The following SHROOM3 variants were observed in gnomAD, a reference collection of about 807,000 sequenced individuals.
The protein encoded by SHROOM3 is shroom family member 3, also known as protein Shroom3.
A neutral mutation model predicts 138.6 loss-of-function variants in SHROOM3; 47 were observed. That is an observed-to-expected ratio of 0.34 (90% CI 0.27 to 0.43). SHROOM3 has a LOEUF of 0.43. Among genes scored for constraint, SHROOM3 ranks in the 20% least tolerant of loss-of-function variants. The pLI is 1.00. For missense variants in SHROOM3, 2,491 were observed against 2,596.5 expected (o/e 0.96, Z 0.88); for synonymous variants, 1,062 against 1,063.3 (o/e 1.00, Z 0.02).
At chr4:76,760,113 C>CT (rs911292133) in intron 9 of SHROOM3, among the ~76,000 whole-genome samples, 6 of 152,100 alleles carry the variant, frequency 3.9e-5, no homozygotes, top group African/African-American at 1.4e-4. Flanking sequence ...AATCTAGAAA[C>CT]TTTTTTTAGG....
At chr4:76,477,945 C>T (rs28709037) in intron 1 of SHROOM3, among the ~76,000 whole-genome samples, 1,873 of 152,282 alleles carry the variant, frequency 0.012, 42 homozygotes, top group African/African-American at 0.043. Flanking sequence ...CATTCTGGCC[C>T]AGACATTATG....
intron 2 of SHROOM3, among the ~76,000 whole-genome samples, chr4:76,701,918 T>C (rs965944054): frequency 1.3e-5 from 2 of 152,154 alleles, no homozygotes; most frequent in African/African-American, 4.8e-5. Flanking sequence ...ACTCATTCTA[T>C]TAAGAAAAAA....
intron 2 of SHROOM3, among the ~76,000 whole-genome samples, chr4:76,686,456 C>T (rs1012342763): frequency 6.6e-6 from 1 of 152,010 alleles, no homozygotes; most frequent in Non-Finnish European, 1.5e-5. Flanking sequence ...TTTAAATATA[C>T]AATTAATTAA....
Position 76,778,992 on chromosome 4 carries a change from C to T in SHROOM3, c.5806C>T (p.Arg1936Trp), listed in dbSNP as rs1283998147. 5.0e-6 allele frequency: 8 copies of T among 1,614,174 alleles called. No homozygotes were observed. Among genetic ancestry groups the T allele is most frequent in the African/African-American group, 1.3e-5 (1 of 75,042 alleles). ...KMKSTLLIEQ[R>W]KLDDKIKLGQ... Reference sequence around the variant, plus strand: ...GAAGTCCACGCTCCTCATTGAGCAACGGAAGCTGGATGACAAGATCAAGCT... The same window carrying T: ...GAAGTCCACGCTCCTCATTGAGCAATGGAAGCTGGATGACAAGATCAAGCT... The change falls in exon 11 of 11, where the codon CGG becomes TGG. Residue 1936 changes from arginine to tryptophan, a missense_variant. Coordinates refer to ENST00000296043, the MANE Select transcript of SHROOM3 (RefSeq NM_020859.4).
chr4:76,531,707 C>T (rs1732831673), intron 1 of SHROOM3, among the ~76,000 whole-genome samples: 1 of 152,102 alleles, frequency 6.6e-6, no homozygotes, highest in African/African-American at 2.4e-5. Flanking sequence ...CTATACAGTC[C>T]TCAGCCAACC....
At chr4:76,613,441 A>T (rs1734804690) in intron 2 of SHROOM3, among the ~76,000 whole-genome samples, 2 of 152,196 alleles carry the variant, frequency 1.3e-5, no homozygotes, top group Admixed American at 1.3e-4. Context: ...TTTACCATGG[A>T]TTGTTAGTGT....
intron 1 of SHROOM3, among the ~76,000 whole-genome samples, chr4:76,539,996 C>T (rs1381770548): frequency 2.0e-5 from 3 of 152,148 alleles, no homozygotes; most frequent in African/African-American, 2.4e-5. Context: ...TACAGGGGTG[C>T]GGCACCATGC....
intron 1 of SHROOM3, among the ~76,000 whole-genome samples, chr4:76,492,660 A>C (rs998288720): frequency 6.6e-6 from 1 of 152,206 alleles, no homozygotes; most frequent in Non-Finnish European, 1.5e-5. Context: ...CTCAGGGAAA[A>C]TTGTTTAACT....
At chr4:76,601,414 A>G (rs1382318533) in intron 2 of SHROOM3, among the ~76,000 whole-genome samples, 1 of 152,204 alleles carries the variant, frequency 6.6e-6, no homozygotes, top group Non-Finnish European at 1.5e-5. Context: ...GTTAAATAAC[A>G]GCTGTTGGGA....
At chr4:76,503,167 C>CCACACACA (rs111393161) in intron 1 of SHROOM3, among the ~76,000 whole-genome samples, 5,277 of 145,882 alleles carry the variant, frequency 0.036, 157 homozygotes, top group Non-Finnish European at 0.054. Context: ...TTGTCAACTT[C>CCACACACA]CACACACACA....
intron 1 of SHROOM3, among the ~76,000 whole-genome samples, chr4:76,497,751 G>A (rs1579194900): frequency 1.3e-5 from 2 of 152,156 alleles, no homozygotes; most frequent in Non-Finnish European, 2.9e-5. Flanking sequence ...CCAGCTACTT[G>A]GGAAGCTGAG....
chr4:76,458,180 T>C (rs370725298), intron 1 of SHROOM3, among the ~76,000 whole-genome samples: 1 of 152,240 alleles, frequency 6.6e-6, no homozygotes, highest in South Asian at 2.1e-4. Flanking sequence ...GGAAAGATAT[T>C]ATATATTCAT....
chr4:76,467,384 T>C (rs1731270616), intron 1 of SHROOM3, among the ~76,000 whole-genome samples: 1 of 152,036 alleles, frequency 6.6e-6, no homozygotes, highest in African/African-American at 2.4e-5. Flanking sequence ...AACTGAGGCT[T>C]AGATAAGTGA....
chr4:76,493,747 A>G (rs535477180), intron 1 of SHROOM3, among the ~76,000 whole-genome samples: 3 of 152,182 alleles, frequency 2.0e-5, no homozygotes, highest in Non-Finnish European at 4.4e-5. Flanking sequence ...TTGGGAGGCC[A>G]AGGTGGGCGG....
intron 10 of SHROOM3, 54 bp downstream of exon 10, chr4:76,770,952 TAGAG>T (rs1722339211): frequency 2.1e-5 from 34 of 1,606,680 alleles, no homozygotes; most frequent in African/African-American, 4.0e-5. Flanking sequence ...CCCACATACA[TAGAG>T]AGGCGCCATT....
At chr4:76,629,373 G>T (rs1321480847) in intron 2 of SHROOM3, among the ~76,000 whole-genome samples, 1 of 152,212 alleles carries the variant, frequency 6.6e-6, no homozygotes, top group Non-Finnish European at 1.5e-5. Flanking sequence ...GAGGTAACGG[G>T]TATGTGGGGA....
At chr4:76,707,777 G>GT (rs922024869) in intron 2 of SHROOM3, among the ~76,000 whole-genome samples, 3 of 151,680 alleles carry the variant, frequency 2.0e-5, no homozygotes, top group East Asian at 3.8e-4. Context: ...TTCACTATGG[G>GT]TTTTTTTTCT....
chr4:76,626,944 T>C (rs1735162870), intron 2 of SHROOM3, among the ~76,000 whole-genome samples: 1 of 152,214 alleles, frequency 6.6e-6, no homozygotes, highest in Admixed American at 6.5e-5. Flanking sequence ...AACAGCCTTC[T>C]TGAATTCACG....
At chr4:76,649,182 T>C (rs1041713751) in intron 2 of SHROOM3, among the ~76,000 whole-genome samples, 4 of 152,142 alleles carry the variant, frequency 2.6e-5, no homozygotes, top group South Asian at 2.1e-4. Context: ...GAGACCCACA[T>C]TGACTTTGTT....
Sources: allele counts gnomAD v4.1 joint callset (sites outside exome capture counted in the v4.1 genomes callset), GRCh38; gene constraint gnomAD v4.1.1; transcripts MANE v1.5; gene names NCBI Gene and HGNC (gene_info 2026-07-23, HGNC 2026-07-21).